MACROD2: variants seen among roughly 807,000 people sequenced by gnomAD.
MACROD2 encodes mono-ADP ribosylhydrolase 2.
MACROD2 carries 36 observed loss-of-function variants against 70.4 expected under a neutral mutation model. The observed-to-expected ratio is 0.51, with a 90% CI of 0.39 to 0.68. The LOEUF is 0.68. MACROD2 is among the 30% of genes least tolerant of loss of function. MACROD2 has a pLI of 0.00. For synonymous variants in MACROD2, 172 were observed against 178.8 expected (o/e 0.96, Z 0.30); for missense variants, 496 against 538.4 (o/e 0.92, Z 0.78).
chr20:15,654,172 C>A (rs566318529), intron 8 of MACROD2, among the ~76,000 whole-genome samples: 1 of 152,258 alleles, frequency 6.6e-6, no homozygotes, highest in African/African-American at 2.4e-5. Flanking sequence ...AAAGCACATA[C>A]CATGCAGAAG....
intron 2 of MACROD2, among the ~76,000 whole-genome samples, chr20:14,063,562 G>A (rs569208333): frequency 2.0e-5 from 3 of 152,246 alleles, no homozygotes; most frequent in Admixed American, 6.5e-5. Context: ...AATTCTACAC[G>A]TAAGTACTTA....
intron 7 of MACROD2, among the ~76,000 whole-genome samples, chr20:15,439,716 C>T (rs1600413355): frequency 6.6e-6 from 1 of 152,178 alleles, no homozygotes; most frequent in South Asian, 2.1e-4. Flanking sequence ...CCAGACTTTT[C>T]CACTCTGACA....
chr20:14,846,025 G>A (rs1357684106), intron 5 of MACROD2, among the ~76,000 whole-genome samples: 1 of 151,842 alleles, frequency 6.6e-6, no homozygotes, highest in Admixed American at 6.6e-5. Context: ...ATTTATCCAG[G>A]TGTTCTATGG....
intron 1 of MACROD2, chr20:13,996,283 C>T (rs992461125): frequency 5.7e-6 from 1 of 176,118 alleles, no homozygotes; most frequent in African/African-American, 2.4e-5. Context: ...CTTCTCGCCC[C>T]TGTCCCCCCA....
intron 3 of MACROD2, among the ~76,000 whole-genome samples, chr20:14,212,036 C>T (rs1389830802): frequency 6.6e-6 from 1 of 152,152 alleles, no homozygotes; most frequent in Non-Finnish European, 1.5e-5. Flanking sequence ...TACTAAATTA[C>T]TGTCTGAATA....
At chr20:15,574,424 A>G (rs895353655) in intron 8 of MACROD2, among the ~76,000 whole-genome samples, 1 of 152,110 alleles carries the variant, frequency 6.6e-6, no homozygotes, top group African/African-American at 2.4e-5. Flanking sequence ...GGCTTTTTTC[A>G]TAAACATGTA....
intron 3 of MACROD2, among the ~76,000 whole-genome samples, chr20:14,176,005 A>G (rs542157092): frequency 6.5e-4 from 99 of 152,368 alleles, no homozygotes; most frequent in Non-Finnish European, 1.2e-3. Context: ...ATATAAATAT[A>G]GTTCAGCATT....
intron 15 of MACROD2, among the ~76,000 whole-genome samples, chr20:16,010,080 G>A (rs1248208063): frequency 6.6e-6 from 1 of 152,192 alleles, no homozygotes; most frequent in Non-Finnish European, 1.5e-5. Flanking sequence ...ATGCCAGGGT[G>A]AGGGTCTTGC....
chr20:14,986,500 C>A (rs1244347067), intron 5 of MACROD2, among the ~76,000 whole-genome samples: 3 of 152,084 alleles, frequency 2.0e-5, no homozygotes, highest in African/African-American at 7.2e-5. Flanking sequence ...CACTTAGATA[C>A]CGTCCTAAGT....
intron 4 of MACROD2, among the ~76,000 whole-genome samples, chr20:14,603,780 A>G (rs1982637934): frequency 6.6e-6 from 1 of 152,260 alleles, no homozygotes; most frequent in African/African-American, 2.4e-5. Flanking sequence ...AGCTACATGG[A>G]CTTTAAGTGA....
At chr20:15,534,921 G>C (rs2146554277) in intron 8 of MACROD2, among the ~76,000 whole-genome samples, 1 of 151,886 alleles carries the variant, frequency 6.6e-6, no homozygotes, top group South Asian at 2.1e-4. Flanking sequence ...TTTCTAATTA[G>C]GATTAGAAAA....
At position 15,348,624 on chromosome 20, in the gene MACROD2, A is replaced by G. The variant is rs147270125; in HGVS notation, c.541-82781A>G. Reference sequence around the variant, plus strand: ...TCCACATGGCTGGGGAGGCCTCACAATCATGGCGGAAGGCAAAGGAGGAGC... The same window carrying G: ...TCCACATGGCTGGGGAGGCCTCACAGTCATGGCGGAAGGCAAAGGAGGAGC... On this transcript the variant is annotated intron_variant, in intron 6 of 17. Coordinates refer to ENST00000684519, the MANE Select transcript of MACROD2 (RefSeq NM_001351661.2). Among the ~76,000 whole-genome samples the G allele has an allele frequency of 4.9e-3, 748 of 152,304 alleles. 9 individuals carry two copies. The highest frequency in any genetic ancestry group is 0.018 in the African/African-American group (730 of 41,570).
chr20:15,404,040 G>A (rs887965399), intron 6 of MACROD2, among the ~76,000 whole-genome samples: 1 of 152,068 alleles, frequency 6.6e-6, no homozygotes, highest in Non-Finnish European at 1.5e-5. Flanking sequence ...CTATTTTGGT[G>A]GACATAGCCA....
chr20:15,477,686 A>C (rs973895746), intron 7 of MACROD2, among the ~76,000 whole-genome samples: 4 of 152,126 alleles, frequency 2.6e-5, no homozygotes, highest in African/African-American at 9.7e-5. Flanking sequence ...CTATGGCCTC[A>C]AAAAGAGGTC....
intron 5 of MACROD2, among the ~76,000 whole-genome samples, chr20:15,226,293 A>C (rs368900656): frequency 6.6e-6 from 1 of 152,166 alleles, no homozygotes; most frequent in African/African-American, 2.4e-5. Context: ...AAGAGATGGT[A>C]ACTTTCTGTC....
intron 3 of MACROD2, among the ~76,000 whole-genome samples, chr20:14,409,030 C>T (rs1404259808): frequency 6.6e-6 from 1 of 152,132 alleles, no homozygotes; most frequent in Non-Finnish European, 1.5e-5. Flanking sequence ...AGAGCTTAGT[C>T]CTGCTGGTAC....
intron 7 of MACROD2, among the ~76,000 whole-genome samples, chr20:15,447,084 GTGTC>G (rs2046577883): frequency 6.9e-6 from 1 of 145,370 alleles, no homozygotes; most frequent in South Asian, 2.4e-4. Flanking sequence ...GTGTGTGTGT[GTGTC>G]TGTGTGTTGT....
At chr20:14,544,804 G>T (rs1184141090) in intron 4 of MACROD2, among the ~76,000 whole-genome samples, 1 of 152,172 alleles carries the variant, frequency 6.6e-6, no homozygotes, top group African/African-American at 2.4e-5. Flanking sequence ...AGATAAGGGA[G>T]CTGGAGTATT....
chr20:14,081,664 A>T (rs1345991297), intron 2 of MACROD2, among the ~76,000 whole-genome samples: 1 of 152,246 alleles, frequency 6.6e-6, no homozygotes, highest in African/African-American at 2.4e-5. Flanking sequence ...AAGGAAGGCA[A>T]GGCATTGCTA....
Sources: gnomAD v4.1 joint callset for allele counts (sites outside exome capture counted in the v4.1 genomes callset) on GRCh38, gnomAD v4.1.1 for gene constraint, MANE v1.5 for transcripts, NCBI Gene and HGNC (gene_info 2026-07-23, HGNC 2026-07-21) for gene names.